Variants in ANK2 observed in about 807,000 individuals in gnomAD.
The protein encoded by ANK2 is ankyrin 2.
ANK2 carries 83 observed loss-of-function variants against 360.5 expected under a neutral mutation model. The observed-to-expected ratio is 0.23, with a 90% confidence interval of 0.19 to 0.28. ANK2 has a LOEUF of 0.28. Ranked by LOEUF, ANK2 falls within the 10% of genes least tolerant of loss-of-function variation. The probability of loss-of-function intolerance (pLI) is 1.00; values close to 1 mark genes in which losing one functional copy is unlikely to be tolerated. For missense variants in ANK2, 4,201 were observed against 4,795.7 expected, an observed-to-expected ratio of 0.88 and a Z score of 3.66; for synonymous variants, 1,740 against 1,759.5, an observed-to-expected ratio of 0.99 and a Z score of 0.28.
intron 2 of ANK2, among the ~76,000 whole-genome samples, chr4:112,925,146 C>A (rs2092363227): frequency 6.6e-6 from 1 of 152,070 alleles, no homozygotes; most frequent in Admixed American, 6.5e-5. Flanking sequence ...CCATTTATCA[C>A]CTTTTATAAT....
chr4:112,760,427 T>C, the ANK2 span, among the ~76,000 whole-genome samples: 1 of 152,182 alleles, frequency 6.6e-6, no homozygotes, highest in African/African-American at 2.4e-5. Flanking sequence ...GACCTTGTGA[T>C]CCGCCCGCCT....
At chr4:113,182,264 A>T (rs1218811458) in intron 2 of ANK2, among the ~76,000 whole-genome samples, 4 of 152,118 alleles carry the variant, frequency 2.6e-5, no homozygotes, top group African/African-American at 9.7e-5. Flanking sequence ...GGTTTGAGGG[A>T]ATACTCAGCA....
the ANK2 span, among the ~76,000 whole-genome samples, chr4:112,806,945 C>G: frequency 6.6e-5 from 10 of 152,136 alleles, no homozygotes; most frequent in Non-Finnish European, 1.0e-4. Context: ...TTGAGGAATC[C>G]TCTTTTCTTT....
In ANK2 at chr4:113,353,249, A is replaced by T; in HGVS notation, c.4631A>T (p.Glu1544Val). The T allele has an allele frequency of 6.2e-7, 1 of 1,614,024 alleles. No homozygotes were observed. The highest frequency in any genetic ancestry group is 8.5e-7 in the Non-Finnish European group (1 of 1,179,960). Reference protein sequence around the residue: ...VKELVKAAEEEPGEPFEIVER... With the variant: ...VKELVKAAEEVPGEPFEIVER... ...GAGCTGGTGAAGGCTGCTGAGGAAG[A>T]GCCAGGAGAGCCTTTTGAAATCGTT... Residue 1544 changes from glutamate to valine, a missense_variant, in exon 38 of 46, where the codon GAG (glutamate) becomes GTG (valine). Coordinates refer to ENST00000357077, the MANE Select transcript of ANK2 (RefSeq NM_001148.6).
intron 1 of ANK2, among the ~76,000 whole-genome samples, chr4:112,872,028 T>A (rs946491870): frequency 1.0e-4 from 15 of 144,012 alleles, no homozygotes; most frequent in African/African-American, 3.8e-4. Flanking sequence ...GCATCTGTAT[T>A]TTTTTTTTTT....
chr4:112,881,372 G>T (rs981803275), intron 1 of ANK2, among the ~76,000 whole-genome samples: 1 of 152,208 alleles, frequency 6.6e-6, no homozygotes, highest in African/African-American at 2.4e-5. Context: ...GGAGGTGGAG[G>T]TTGCAGTGAG....
chr4:113,209,461 C>T (rs904204915), intron 4 of ANK2, among the ~76,000 whole-genome samples: 1 of 151,866 alleles, frequency 6.6e-6, no homozygotes, highest in Non-Finnish European at 1.5e-5. Flanking sequence ...CTCTGAACGG[C>T]CATCTCAAAA....
At chr4:113,360,524 A>T (rs2096139329) in intron 38 of ANK2, among the ~76,000 whole-genome samples, 2 of 152,134 alleles carry the variant, frequency 1.3e-5, no homozygotes, top group African/African-American at 4.8e-5. Context: ...CTTGGTGGGC[A>T]GTATTCTCTC....
chr4:112,744,793 C>T, the ANK2 span, among the ~76,000 whole-genome samples: 2 of 152,252 alleles, frequency 1.3e-5, no homozygotes, highest in East Asian at 1.9e-4. Context: ...TTAGCAAATA[C>T]TTGCCAACAT....
At chr4:112,885,971 C>A (rs1338045529) in intron 1 of ANK2, among the ~76,000 whole-genome samples, 2 of 152,042 alleles carry the variant, frequency 1.3e-5, no homozygotes, top group African/African-American at 4.8e-5. Flanking sequence ...CAGTTTTCTG[C>A]CCTGGCACAT....
intron 32 of ANK2, among the ~76,000 whole-genome samples, chr4:113,339,948 T>A (rs894819004): frequency 6.6e-6 from 1 of 152,190 alleles, no homozygotes; most frequent in African/African-American, 2.4e-5. Context: ...ATTTTACAGA[T>A]GAGAAAACTG....
At chr4:113,301,628 A>G (rs1280416061) in intron 22 of ANK2, among the ~76,000 whole-genome samples, 2 of 151,956 alleles carry the variant, frequency 1.3e-5, no homozygotes, top group African/African-American at 4.8e-5. Context: ...ACATCTCCCA[A>G]ATGCTCCTCC....
In ANK2 at chr4:113,219,487, TA is replaced by T. The variant is rs749011871; in HGVS notation, c.385-12670del. ...TTAATATTTCTATTGACAACTTAAA[TA>T]AAAGCATTATACATTACAAAAAACA... On this transcript the variant is annotated intron_variant, in intron 4 of 45. Coordinates refer to ENST00000357077, the MANE Select transcript of ANK2 (RefSeq NM_001148.6). Among the ~76,000 whole-genome samples the T allele has an allele frequency of 4.6e-5, 7 of 152,150 alleles. No homozygotes were observed. In the East Asian group the frequency reaches 5.8e-4, roughly 13 times the overall value.
intron 32 of ANK2, among the ~76,000 whole-genome samples, chr4:113,339,936 C>A (rs937126587): frequency 2.0e-5 from 3 of 152,152 alleles, no homozygotes; most frequent in African/African-American, 7.2e-5. Context: ...GACATTATGT[C>A]CATTTTACAG....
At chr4:113,100,013 G>A (rs313950) in intron 1 of ANK2, among the ~76,000 whole-genome samples, 77,663 of 151,794 alleles carry the variant, frequency 0.51, 21,425 homozygotes, top group East Asian at 0.74. Context: ...GTAAAACGAT[G>A]AAACTTCTAG....
chr4:112,708,984 A>T, the ANK2 span, among the ~76,000 whole-genome samples: 5 of 152,224 alleles, frequency 3.3e-5, no homozygotes, highest in African/African-American at 1.2e-4. Context: ...AAATATCTAA[A>T]GTGGTCCAGT....
At chr4:112,891,380 T>G (rs1023044973) in intron 1 of ANK2, among the ~76,000 whole-genome samples, 10 of 152,240 alleles carry the variant, frequency 6.6e-5, no homozygotes, top group African/African-American at 2.4e-4. Flanking sequence ...TTATTTTTTT[T>G]ATTGGAGACA....
intron 22 of ANK2, among the ~76,000 whole-genome samples, chr4:113,301,079 G>T (rs577276106): frequency 6.6e-6 from 1 of 152,260 alleles, no homozygotes; most frequent in Admixed American, 6.5e-5. Context: ...CTAGGTCAAA[G>T]CCTAAAAAAC....
At position 113,362,603 on chromosome 4, in the gene ANK2, C is replaced by A. The variant is rs530372086; in HGVS notation, c.10757-735C>A. 1.3e-4 allele frequency among the ~76,000 whole-genome samples: 20 copies of A among 152,214 alleles called. No homozygotes were observed. The East Asian group carries it at 3.7e-3, about 28-fold the overall frequency. ...AGGACCTCAGGCAAACACTACCATGCCCAGCTAATTTTTTAAAATTATTTT... is the reference window on the plus strand; with the variant it reads ...AGGACCTCAGGCAAACACTACCATGACCAGCTAATTTTTTAAAATTATTTT... On this transcript the variant is annotated intron_variant, in intron 39 of 45. Coordinates refer to ENST00000357077, the MANE Select transcript of ANK2 (RefSeq NM_001148.6).
Sources: allele counts gnomAD v4.1 joint callset (sites outside exome capture counted in the v4.1 genomes callset), GRCh38; gene constraint gnomAD v4.1.1; transcripts MANE v1.5; gene names NCBI Gene and HGNC (gene_info 2026-07-23, HGNC 2026-07-21).